Variants in ZNF675 observed in about 807,000 individuals in gnomAD.
The protein encoded by ZNF675 is TRAF6 inhibitory zinc finger.
In ZNF675, 36 loss-of-function variants were observed where a neutral mutation model predicts 56.1. The ratio of observed to expected loss-of-function variants is 0.64; its 90% CI spans 0.49 to 0.85. The LOEUF (loss-of-function observed/expected upper bound fraction) is 0.85, where lower values mean the gene tolerates loss of function less well. ZNF675 is among the 40% of genes least tolerant of loss of function. ZNF675 has a pLI of 0.00. For synonymous variants in ZNF675, 200 were observed against 218.9 expected, an observed-to-expected ratio of 0.91 and a Z score of 0.76; for missense variants, 663 against 654.2, an observed-to-expected ratio of 1.01 and a Z score of -0.15.
intron 1 of ZNF675, chr19:23,686,441 C>T (rs1385304491): frequency 6.6e-6 from 1 of 152,324 alleles, no homozygotes; most frequent in Non-Finnish European, 1.5e-5. Flanking sequence ...GTTCTCCTGC[C>T]TCAGCCTTCT....
chr19:23,674,544 G>A (rs769279183), intron 1 of ZNF675, among the ~76,000 whole-genome samples: 18 of 150,738 alleles, frequency 1.2e-4, no homozygotes, highest in Admixed American at 5.3e-4. Context: ...TCGGGAGGCT[G>A]AGGCAGGAGA....
intron 1 of ZNF675, among the ~76,000 whole-genome samples, chr19:23,679,336 T>C (rs1463598090): frequency 3.3e-5 from 5 of 151,678 alleles, no homozygotes; most frequent in Non-Finnish European, 7.4e-5. Context: ...TTTAGCACTA[T>C]GTACAAGGCT....
At position 23,653,060 on chromosome 19, in the gene ZNF675, G is replaced by T. The variant is rs1019063127; in HGVS notation, c.*166C>A. On this transcript the variant is annotated 3_prime_UTR_variant, in exon 4 of 4. Transcript: ENST00000359788. ...GGTTTGAGCCTTAATTAACAGTATT[G>T]CCAAATTCTTCACACTTGTAGTTTT... The T allele has an allele frequency of 3.0e-6, 2 of 661,936 alleles. No homozygotes were observed. The highest frequency in any genetic ancestry group is 2.4e-6 in the Non-Finnish European group (1 of 412,966). 41.0% of individuals were successfully genotyped at this position (661,936 alleles called of 1,614,324 possible).
At chr19:23,683,190 A>C (rs540982075) in intron 1 of ZNF675, among the ~76,000 whole-genome samples, 26 of 146,918 alleles carry the variant, frequency 1.8e-4, no homozygotes, top group African/African-American at 6.3e-4. Flanking sequence ...ACTCAGTCTC[A>C]AAAAAAAAAA....
chr19:23,658,891 A>ATCTAGATCTATATC (rs1599410240), intron 3 of ZNF675, among the ~76,000 whole-genome samples: 42 of 11,794 alleles, frequency 3.6e-3, no homozygotes, highest in South Asian at 0.021. Flanking sequence ...ATAGATATAG[A>ATCTAGATCTATATC]TCTATAGATA....
intron 3 of ZNF675, chr19:23,655,236 C>CAA (rs66775732): frequency 9.5e-5 from 10 of 105,746 alleles, no homozygotes; most frequent in Middle Eastern, 5.2e-3. Flanking sequence ...GACTCTGTCT[C>CAA]AAAAAAAAAA....
intron 3 of ZNF675, among the ~76,000 whole-genome samples, chr19:23,658,855 ATATAGAAATAGATCTATAGATATC>A (rs1352916358): frequency 4.6e-4 from 2 of 4,370 alleles, no homozygotes; most frequent in African/African-American, 9.8e-4. Flanking sequence ...ATCTATATAG[ATATAGAAATAGATCTATAGATATC>A]TATAGATATA....
At chr19:23,671,884 C>G (rs1968230932) in intron 1 of ZNF675, among the ~76,000 whole-genome samples, 1 of 152,084 alleles carries the variant, frequency 6.6e-6, no homozygotes, top group African/African-American at 2.4e-5. Flanking sequence ...TGAGTACCAA[C>G]CAAAGACATC....
intron 3 of ZNF675, 80 bp downstream of exon 3, chr19:23,662,034 A>G: frequency 1.9e-6 from 2 of 1,059,796 alleles, no homozygotes; most frequent in Non-Finnish European, 2.9e-6. Context: ...CCCAAATCAC[A>G]TTTTAAGGAC....
chr19:23,660,876 C>T (rs4932883), intron 3 of ZNF675, among the ~76,000 whole-genome samples: 147,575 of 151,894 alleles, frequency 0.97, 71,848 homozygotes, highest in Middle Eastern at 1. Flanking sequence ...TTTAAATAGC[C>T]GAAGCAAGCT....
intron 1 of ZNF675, among the ~76,000 whole-genome samples, chr19:23,681,237 T>C (rs1394698921): frequency 6.6e-6 from 1 of 151,640 alleles, no homozygotes; most frequent in East Asian, 1.9e-4. Context: ...ATTTTTTGGG[T>C]TTTTCGCAAG....
chr19:23,677,198 G>A (rs1170900810), intron 1 of ZNF675, among the ~76,000 whole-genome samples: 4 of 151,414 alleles, frequency 2.6e-5, no homozygotes, highest in African/African-American at 9.8e-5. Context: ...AATCAGGCAA[G>A]CCGAAACAAT....
intron 1 of ZNF675, among the ~76,000 whole-genome samples, chr19:23,667,988 A>T (rs1335983326): frequency 6.7e-6 from 1 of 149,268 alleles, no homozygotes; most frequent in Non-Finnish European, 1.5e-5. Flanking sequence ...CTAGACACAG[A>T]GTGTCGACTG....
chr19:23,658,908 G>GATACCGATCT (rs1238598265), intron 3 of ZNF675, among the ~76,000 whole-genome samples: 1 of 25,214 alleles, frequency 4.0e-5, no homozygotes, highest in Admixed American at 4.7e-4. Flanking sequence ...GATATCTATA[G>GATACCGATCT]ATAGATATAG....
At position 23,654,056 on chromosome 19, in the gene ZNF675, A is replaced by C. The variant is rs767606383; in HGVS notation, c.877T>G (p.Phe293Val). The change falls in exon 4 of 4, where the codon TTT (phenylalanine) becomes GTT (valine). Residue 293 changes from phenylalanine (F) to valine (V), a missense_variant. By Grantham distance (50) the Phe-to-Val change is conservative. Transcript: ENST00000359788. Reference protein sequence around the residue: ...PYKCEECGKAFNQFSNLTTHK... With the variant: ...PYKCEECGKAVNQFSNLTTHK... The stretch of plus-strand genomic sequence containing the variant: ...GTAGTAAGATTTGAGAACTGGTTAA[A>C]GGCTTTGCCACATTCTTCACATTTG... The C allele has an allele frequency of 1.9e-6, 3 of 1,613,686 alleles. No homozygotes were observed. The highest frequency in any genetic ancestry group is 1.7e-6 in the Non-Finnish European group (2 of 1,180,016).
At chr19:23,679,028 G>A (rs1054065744) in intron 1 of ZNF675, among the ~76,000 whole-genome samples, 4 of 151,190 alleles carry the variant, frequency 2.6e-5, no homozygotes, top group East Asian at 1.9e-4. Flanking sequence ...TTAGCCGGGC[G>A]TGGTGGCAGG....
chr19:23,672,669 G>C (rs1360935451), intron 1 of ZNF675, among the ~76,000 whole-genome samples: 1 of 152,168 alleles, frequency 6.6e-6, no homozygotes, highest in African/African-American at 2.4e-5. Context: ...CAAAGGAGAG[G>C]TCCACTCACA....
intron 3 of ZNF675, among the ~76,000 whole-genome samples, chr19:23,659,359 TTTG>T (rs1968046150): frequency 6.6e-6 from 1 of 152,110 alleles, no homozygotes; most frequent in African/African-American, 2.4e-5. Context: ...GGTGCCCTAT[TTTG>T]TTATCTCCTG....
intron 3 of ZNF675, chr19:23,658,813 A>ATATCTATAGATC (rs1555706323): frequency 9.1e-6 from 1 of 109,710 alleles, no homozygotes; most frequent in East Asian, 3.1e-4. Flanking sequence ...CTATAGAGAT[A>ATATCTATAGATC]TAGATCTATA....
Sources: gnomAD v4.1 joint callset for allele counts (sites outside exome capture counted in the v4.1 genomes callset) on GRCh38, gnomAD v4.1.1 for gene constraint, MANE v1.5 for transcripts, NCBI Gene and HGNC (gene_info 2026-07-23, HGNC 2026-07-21) for gene names.